The following RPS6KC1 variants were observed in gnomAD, a reference collection of about 807,000 sequenced individuals.
RPS6KC1 encodes the protein inactive ribosomal protein S6 kinase delta-1.
A neutral mutation model predicts 103.8 loss-of-function variants in RPS6KC1; 54 were observed. The observed-to-expected ratio is 0.52, with a 90% CI of 0.42 to 0.65. RPS6KC1 has a LOEUF of 0.65. RPS6KC1 is among the 30% of genes least tolerant of loss of function. The pLI, the probability that RPS6KC1 is intolerant of heterozygous loss-of-function variation, is 0.00. For synonymous variants in RPS6KC1, 439 were observed against 438.7 expected (o/e 1.00, Z -0.01); for missense variants, 1,151 against 1,253.8 (o/e 0.92, Z 1.24).
chr1:213,598,492 G>C, the RPS6KC1 span, among the ~76,000 whole-genome samples: 1 of 152,048 alleles, frequency 6.6e-6, no homozygotes, highest in African/African-American at 2.4e-5. Flanking sequence ...TCTATACAAT[G>C]GGTCCATTGG....
chr1:213,454,010 C>T, the RPS6KC1 span, among the ~76,000 whole-genome samples: 1 of 152,060 alleles, frequency 6.6e-6, no homozygotes, highest in South Asian at 2.1e-4. Flanking sequence ...GTCATGAATG[C>T]ATAAAATGTA....
At chr1:213,085,831 A>T (rs945118023) in intron 3 of RPS6KC1, among the ~76,000 whole-genome samples, 3 of 151,944 alleles carry the variant, frequency 2.0e-5, no homozygotes, top group African/African-American at 7.3e-5. Flanking sequence ...ACATTTAATT[A>T]TTTTGATTCA....
the RPS6KC1 span, among the ~76,000 whole-genome samples, chr1:213,757,216 T>A: frequency 1.3e-5 from 2 of 152,220 alleles, no homozygotes; most frequent in African/African-American, 2.4e-5. Flanking sequence ...CTAGACATAG[T>A]TAAGCTTAGT....
chr1:213,620,287 T>A, the RPS6KC1 span, among the ~76,000 whole-genome samples: 1 of 152,234 alleles, frequency 6.6e-6, no homozygotes, highest in East Asian at 1.9e-4. Flanking sequence ...CTCAATGTTA[T>A]CCAGCTGGTA....
chr1:213,405,506 G>A, the RPS6KC1 span, among the ~76,000 whole-genome samples: 7 of 152,206 alleles, frequency 4.6e-5, no homozygotes, highest in African/African-American at 1.4e-4. Context: ...GGTGTGCATG[G>A]GTTAGGGTGG....
chr1:213,378,976 C>T, the RPS6KC1 span, among the ~76,000 whole-genome samples: 1 of 152,222 alleles, frequency 6.6e-6, no homozygotes, highest in East Asian at 1.9e-4. Flanking sequence ...GGAGAGAGTT[C>T]CCTGCTAGGG....
At chr1:213,667,751 C>G in the RPS6KC1 span, among the ~76,000 whole-genome samples, 1 of 152,222 alleles carries the variant, frequency 6.6e-6, no homozygotes, top group Non-Finnish European at 1.5e-5. Context: ...AGTCAATCCT[C>G]TCAAACCCTG....
the RPS6KC1 span, among the ~76,000 whole-genome samples, chr1:213,823,978 G>A: frequency 6.6e-6 from 1 of 152,138 alleles, no homozygotes; most frequent in African/African-American, 2.4e-5. Context: ...TAAGAGAACA[G>A]GGCAAATATT....
the RPS6KC1 span, among the ~76,000 whole-genome samples, chr1:213,457,732 T>C: frequency 2.6e-5 from 4 of 152,218 alleles, no homozygotes; most frequent in Admixed American, 6.5e-5. Flanking sequence ...AAATAATGTC[T>C]TTTGCAAGGA....
the RPS6KC1 span, among the ~76,000 whole-genome samples, chr1:213,799,573 G>T: frequency 6.6e-6 from 1 of 152,314 alleles, no homozygotes; most frequent in East Asian, 1.9e-4. Context: ...AAACTTTATG[G>T]TATGCTCTGT....
chr1:213,616,080 T>C, the RPS6KC1 span, among the ~76,000 whole-genome samples: 5,098 of 152,186 alleles, frequency 0.033, 118 homozygotes, highest in Non-Finnish European at 0.05. Context: ...TAGGCTGGAG[T>C]TTGGGAAAGG....
At position 213,241,815 on chromosome 1, in the gene RPS6KC1, C is replaced by G. The variant is rs748538758; in HGVS notation, c.2339C>G (p.Ala780Gly). 7 of 1,613,830 alleles carry G rather than the reference C, an allele frequency of 4.3e-6. No individual in the cohort carries two copies. In the Admixed American group the frequency reaches 6.7e-5, roughly 15 times the overall value. Residue 780 changes from alanine to glycine, a missense_variant, in exon 11 of 15, where the codon GCT (alanine) becomes GGT (glycine). Ala to Gly is a moderately conservative substitution (Grantham distance 60). Coordinates refer to ENST00000366960, the MANE Select transcript of RPS6KC1 (RefSeq NM_012424.6). ...GATCCCAGGATGTTATTTGTAGCAG[C>G]TGTTGATCATAGTAGTTCAGGAGAT... The part of the protein sequence containing the change: ...QEDPRMLFVA[A>G]VDHSSSGDMS...
chr1:213,845,400 C>T, the RPS6KC1 span, among the ~76,000 whole-genome samples: 3 of 152,184 alleles, frequency 2.0e-5, no homozygotes, highest in Non-Finnish European at 4.4e-5. Context: ...CTTTTCAACA[C>T]TACACACACC....
the RPS6KC1 span, among the ~76,000 whole-genome samples, chr1:213,440,010 C>T: frequency 1.3e-5 from 2 of 152,238 alleles, no homozygotes; most frequent in African/African-American, 4.8e-5. Context: ...GCCAATGGTA[C>T]ATAGCTACGG....
the RPS6KC1 span, among the ~76,000 whole-genome samples, chr1:213,747,227 T>C: frequency 9.9e-5 from 15 of 152,058 alleles, no homozygotes; most frequent in African/African-American, 3.6e-4. Context: ...TGGAGCCAGG[T>C]AAAGAAACAT....
the RPS6KC1 span, among the ~76,000 whole-genome samples, chr1:213,833,031 G>A: frequency 3.3e-5 from 5 of 152,240 alleles, no homozygotes; most frequent in East Asian, 3.9e-4. Flanking sequence ...CCACACCCCC[G>A]AAGACCCATG....
chr1:213,166,888 C>T (rs980523616), intron 6 of RPS6KC1, among the ~76,000 whole-genome samples: 22 of 152,212 alleles, frequency 1.4e-4, no homozygotes, highest in Non-Finnish European at 4.4e-5. Flanking sequence ...AGTAGGTTCA[C>T]CTGAAAACAC....
the RPS6KC1 span, among the ~76,000 whole-genome samples, chr1:213,780,328 C>T: frequency 3.3e-5 from 5 of 152,134 alleles, no homozygotes; most frequent in Non-Finnish European, 7.3e-5. Flanking sequence ...GGCCAGATGC[C>T]CAACTGCCCC....
chr1:213,406,238 G>A, the RPS6KC1 span, among the ~76,000 whole-genome samples: 2 of 152,214 alleles, frequency 1.3e-5, no homozygotes, highest in Admixed American at 6.5e-5. Context: ...GGAGGGATGC[G>A]ACCCTGAGAT....
Sources: gnomAD v4.1 joint callset for allele counts (sites outside exome capture counted in the v4.1 genomes callset) on GRCh38, gnomAD v4.1.1 for gene constraint, MANE v1.5 for transcripts, NCBI Gene and HGNC (gene_info 2026-07-23, HGNC 2026-07-21) for gene names.